KPNA4: variants seen among roughly 807,000 people sequenced by gnomAD.
KPNA4 encodes the protein importin subunit alpha-3.
A neutral mutation model predicts 71.3 loss-of-function variants in KPNA4; 13 were observed. The ratio of observed to expected loss-of-function variants is 0.18; its 90% CI spans 0.12 to 0.29. The LOEUF is 0.29. Ranked by LOEUF, KPNA4 falls within the 10% of genes least tolerant of loss-of-function variation. The pLI is 1.00. For synonymous variants in KPNA4, 189 were observed against 195.2 expected, an observed-to-expected ratio of 0.97 and a Z score of 0.26; for missense variants, 334 against 603.2, an observed-to-expected ratio of 0.55 and a Z score of 4.67.
chr3:160,542,684 G>A (rs1023808682), intron 1 of KPNA4, among the ~76,000 whole-genome samples: 40 of 152,056 alleles, frequency 2.6e-4, no homozygotes, highest in African/African-American at 9.4e-4. Context: ...ACTAGTGATG[G>A]GCAAAAGTCT....
intron 5 of KPNA4, among the ~76,000 whole-genome samples, chr3:160,531,859 C>T (rs1021081192): frequency 6.6e-6 from 1 of 151,976 alleles, no homozygotes. Flanking sequence ...GTGGCACAGT[C>T]TTGGCTCACT....
At chr3:160,559,028 C>T (rs1722194560) in intron 1 of KPNA4, among the ~76,000 whole-genome samples, 2 of 152,134 alleles carry the variant, frequency 1.3e-5, no homozygotes, top group South Asian at 2.1e-4. Context: ...TACTTAAGGA[C>T]GACTGTCTCA....
intron 1 of KPNA4, among the ~76,000 whole-genome samples, chr3:160,545,034 G>T (rs1321673067): frequency 6.6e-6 from 1 of 152,170 alleles, no homozygotes. Flanking sequence ...GAATACCAAA[G>T]CTTAGATATC....
chr3:160,545,402 CA>C (rs1398816058), intron 1 of KPNA4, among the ~76,000 whole-genome samples: 1 of 143,204 alleles, frequency 7.0e-6, no homozygotes, highest in Non-Finnish European at 1.6e-5. Context: ...AACAAAATGA[CA>C]AAATCTCTGT....
intron 11 of KPNA4, among the ~76,000 whole-genome samples, chr3:160,517,708 C>T (rs1397985059): frequency 6.6e-6 from 1 of 152,044 alleles, no homozygotes; most frequent in Non-Finnish European, 1.5e-5. Flanking sequence ...TCCTTAATGA[C>T]TAATGATGTT....
chr3:160,543,461 T>C (rs1389707370), intron 1 of KPNA4, among the ~76,000 whole-genome samples: 1 of 150,568 alleles, frequency 6.6e-6, no homozygotes, highest in African/African-American at 2.4e-5. Context: ...CTGCCTGGAG[T>C]AGATGGGACT....
Position 160,526,113 on chromosome 3 carries a change from GA to G in KPNA4, c.557-7del. ...TCTACACTGGGGCCCATCACCTGTAGAAAAAAAGGATTAATTTACTCAATAA... is the reference window on the plus strand; with the variant it reads ...TCTACACTGGGGCCCATCACCTGTAGAAAAAAGGATTAATTTACTCAATAA... On this transcript the variant is annotated splice_polypyrimidine_tract_variant and splice_region_variant and intron_variant, in intron 8 of 16. Transcript: ENST00000334256. 18 of 1,499,622 alleles carry G rather than the reference GA, an allele frequency of 1.2e-5. No homozygotes were observed. Among genetic ancestry groups the G allele is most frequent in the South Asian group, 2.9e-5 (2 of 68,852 alleles). 92.9% of individuals were successfully genotyped at this position (1,499,622 alleles called of 1,614,324 possible).
rs551668117 is a variant in KPNA4, at chr3:160,536,510, T to C, written c.114+286A>G. 3.3e-5 allele frequency among the ~76,000 whole-genome samples: 5 copies of C among 152,254 alleles called. No homozygotes were observed. In the South Asian group the frequency reaches 8.3e-4, roughly 25 times the overall value. On this transcript the variant is annotated intron_variant, in intron 2 of 16. Coordinates refer to ENST00000334256, the MANE Select transcript of KPNA4 (RefSeq NM_002268.5). ...AATACAACTGTATCTCAATGACTTA[T>C]ACTTTAAGTTCTTTATATCTGTTTT...
chr3:160,564,252 G>A (rs1361911858), intron 1 of KPNA4: 1 of 152,066 alleles, frequency 6.6e-6, no homozygotes, highest in Admixed American at 6.5e-5. Flanking sequence ...AGACAATCTC[G>A]GGAGCAGCTG....
At chr3:160,503,184 T>TA (rs200802600) in intron 16 of KPNA4, among the ~76,000 whole-genome samples, 3,422 of 151,250 alleles carry the variant, frequency 0.023, 62 homozygotes, top group Admixed American at 0.042. Flanking sequence ...ACAATCACAT[T>TA]AAAAAAAAAT....
In KPNA4 at chr3:160,553,262, C is replaced by T. The variant is rs556086908; in HGVS notation, c.69+11952G>A. The stretch of plus-strand genomic sequence containing the variant: ...ACACTTCTCATGTGATACCCCTATA[C>T]TCCTCACACCACAGAAGACTGGTAG... On this transcript the variant is annotated intron_variant, in intron 1 of 16. Coordinates refer to ENST00000334256, the MANE Select transcript of KPNA4 (RefSeq NM_002268.5). Among the ~76,000 whole-genome samples, 21 of 152,280 alleles carry T rather than the reference C, an allele frequency of 1.4e-4. No individual in the cohort carries two copies. The South Asian group carries it at 4.3e-3, about 32-fold the overall frequency.
intron 11 of KPNA4, among the ~76,000 whole-genome samples, chr3:160,516,222 C>A (rs1721217702): frequency 6.6e-6 from 1 of 151,890 alleles, no homozygotes; most frequent in Admixed American, 6.6e-5. Context: ...GAACCCCTGA[C>A]TTTAGGTGAT....
At chr3:160,503,949 T>C (rs1262865292) in intron 16 of KPNA4, among the ~76,000 whole-genome samples, 1 of 152,046 alleles carries the variant, frequency 6.6e-6, no homozygotes, top group Non-Finnish European at 1.5e-5. Flanking sequence ...CCGGGCATAG[T>C]GGCAAGCACT....
At chr3:160,544,570 C>T (rs1472101409) in intron 1 of KPNA4, among the ~76,000 whole-genome samples, 1 of 152,040 alleles carries the variant, frequency 6.6e-6, no homozygotes, top group Non-Finnish European at 1.5e-5. Context: ...TCTCAAAAAA[C>T]AAAAAACTTT....
At chr3:160,541,190 A>G (rs1158879209) in intron 1 of KPNA4, among the ~76,000 whole-genome samples, 1 of 152,212 alleles carries the variant, frequency 6.6e-6, no homozygotes, top group African/African-American at 2.4e-5. Flanking sequence ...CAGTTTTACC[A>G]ACACATGGTT....
At position 160,556,673 on chromosome 3, in the gene KPNA4, T is replaced by C. The variant is rs148341376; in HGVS notation, c.69+8541A>G. 3.1e-3 allele frequency among the ~76,000 whole-genome samples: 478 copies of C among 152,304 alleles called. 3 individuals are homozygous for C. The highest frequency in any genetic ancestry group is 0.011 in the African/African-American group (457 of 41,558). ...ATGAGTGTTTCCTTTAAGCATCACG[T>C]AGGTGCTTAAAGTTTCAGATTTTGG... On this transcript the variant is annotated intron_variant, in intron 1 of 16. Transcript: ENST00000334256.
chr3:160,560,046 T>C (rs536024868), intron 1 of KPNA4, among the ~76,000 whole-genome samples: 1 of 152,154 alleles, frequency 6.6e-6, no homozygotes, highest in East Asian at 1.9e-4. Flanking sequence ...ACCCACAATT[T>C]CCAAAAACCC....
At chr3:160,526,270 A>G (rs1041799528) in intron 8 of KPNA4, among the ~76,000 whole-genome samples, 163 bp from the exon 9 acceptor site, 2 of 152,254 alleles carry the variant, frequency 1.3e-5, no homozygotes, top group African/African-American at 4.8e-5. Context: ...CTCTGAGCCA[A>G]GAGAGGCAAC....
At chr3:160,562,323 G>C (rs1296031288) in intron 1 of KPNA4, among the ~76,000 whole-genome samples, 1 of 152,158 alleles carries the variant, frequency 6.6e-6, no homozygotes, top group Non-Finnish European at 1.5e-5. Context: ...GGATATACTG[G>C]ATTAAGTTAA....
Sources: gnomAD v4.1 joint callset for allele counts (sites outside exome capture counted in the v4.1 genomes callset) on GRCh38, gnomAD v4.1.1 for gene constraint, MANE v1.5 for transcripts, NCBI Gene and HGNC (gene_info 2026-07-23, HGNC 2026-07-21) for gene names.